Variants in DPP6 observed in about 807,000 individuals in gnomAD.
DPP6 encodes A-type potassium channel modulatory protein DPP6.
In DPP6, 69 loss-of-function variants were observed where a neutral mutation model predicts 122.6. The ratio of observed to expected loss-of-function variants is 0.56; its 90% CI spans 0.46 to 0.69. The LOEUF is 0.69. Ranked by LOEUF, DPP6 falls within the 30% of genes least tolerant of loss-of-function variation. The pLI is 0.00. For synonymous variants in DPP6, 418 were observed against 433.1 expected (o/e 0.97, Z 0.43); for missense variants, 928 against 1,116.9 (o/e 0.83, Z 2.41).
chr7:154,419,729 T>C (rs1441728600), intron 1 of DPP6, among the ~76,000 whole-genome samples: 1 of 152,220 alleles, frequency 6.6e-6, no homozygotes, highest in Non-Finnish European at 1.5e-5. Context: ...TGTAAGAGTT[T>C]ATGGGCTCTG....
At chr7:154,090,609 T>C (rs1419485287) in intron 1 of DPP6, among the ~76,000 whole-genome samples, 1 of 151,884 alleles carries the variant, frequency 6.6e-6, no homozygotes, top group Non-Finnish European at 1.5e-5. Context: ...CCATTGCCCA[T>C]AGAGGCGCCT....
chr7:154,813,051 A>AACTT (rs1204915395), intron 16 of DPP6, among the ~76,000 whole-genome samples: 1 of 151,846 alleles, frequency 6.6e-6, no homozygotes, highest in African/African-American at 2.4e-5. Flanking sequence ...AATTACTATT[A>AACTT]ACTTAAATAA....
intron 7 of DPP6, among the ~76,000 whole-genome samples, chr7:154,716,120 C>G (rs1385280854): frequency 6.6e-6 from 1 of 152,174 alleles, no homozygotes; most frequent in Admixed American, 6.5e-5. Flanking sequence ...TCTTAGGCCT[C>G]CCCACCTCCA....
At chr7:154,062,805 C>G (rs1156729810) in intron 1 of DPP6, among the ~76,000 whole-genome samples, 2 of 117,914 alleles carry the variant, frequency 1.7e-5, no homozygotes, top group Non-Finnish European at 1.8e-5. Context: ...GGACCCCCAT[C>G]GCAGAGGGGG....
At chr7:154,448,388 A>G (rs1371564166) in intron 2 of DPP6, among the ~76,000 whole-genome samples, 1 of 152,170 alleles carries the variant, frequency 6.6e-6, no homozygotes, top group African/African-American at 2.4e-5. Context: ...GAAGTATAAG[A>G]CTTGTGTACT....
rs3052965 is a variant in DPP6 at position 154,078,351 on chromosome 7, TACACACACACACACACAC to T, written c.243+25309_243+25326del. 5.4e-5 allele frequency among the ~76,000 whole-genome samples: 8 copies of T among 149,520 alleles called. No homozygotes were observed. The East Asian group carries it at 6.0e-4, about 11-fold the overall frequency. ...CGACTTTCAAACTTCAGTGCATATG[TACACACACACACACACAC>T]ACACACACACACACACACACCATTT... On this transcript the variant is annotated intron_variant, in intron 1 of 25. Coordinates refer to ENST00000377770, the MANE Select transcript of DPP6 (RefSeq NM_130797.4).
At chr7:154,425,569 C>A (rs1463685368) in intron 1 of DPP6, among the ~76,000 whole-genome samples, 4 of 147,402 alleles carry the variant, frequency 2.7e-5, no homozygotes, top group South Asian at 2.2e-4. Flanking sequence ...AATGGAATTT[C>A]TTTCTTCTGT....
chr7:154,206,706 A>G (rs4327775), intron 1 of DPP6, among the ~76,000 whole-genome samples: 125,767 of 152,142 alleles, frequency 0.83, 52,067 homozygotes, highest in Middle Eastern at 0.84. Context: ...AAAAAAATGC[A>G]TGTGATACGG....
chr7:153,792,876 G>C, the DPP6 span, among the ~76,000 whole-genome samples: 1 of 152,144 alleles, frequency 6.6e-6, no homozygotes, highest in Non-Finnish European at 1.5e-5. Flanking sequence ...TAATGAATAA[G>C]TCTCACAAGA....
the DPP6 span, among the ~76,000 whole-genome samples, chr7:153,754,513 C>T: frequency 1.3e-5 from 2 of 152,038 alleles, no homozygotes; most frequent in African/African-American, 2.4e-5. Context: ...ATACTATGTG[C>T]CTAGGCATGA....
chr7:153,994,610 G>A (rs1025389634), intron 1 of DPP6, among the ~76,000 whole-genome samples: 33 of 152,124 alleles, frequency 2.2e-4, no homozygotes, highest in Non-Finnish European at 4.6e-4. Context: ...CCAGAAAGAA[G>A]TTGCTCATTT....
intron 1 of DPP6, among the ~76,000 whole-genome samples, chr7:154,028,309 C>T (rs1169106674): frequency 1.3e-5 from 2 of 151,910 alleles, no homozygotes; most frequent in Non-Finnish European, 2.9e-5. Flanking sequence ...TGGCCAAGGC[C>T]ACAACAGCGT....
At chr7:154,468,156 T>A (rs995228288) in intron 2 of DPP6, among the ~76,000 whole-genome samples, 9 of 152,346 alleles carry the variant, frequency 5.9e-5, no homozygotes, top group African/African-American at 2.2e-4. Context: ...CTGTACGTAT[T>A]ACAACATGGA....
At chr7:154,659,997 G>A (rs1489255815) in intron 6 of DPP6, among the ~76,000 whole-genome samples, 4 of 152,224 alleles carry the variant, frequency 2.6e-5, no homozygotes, top group Non-Finnish European at 5.9e-5. Flanking sequence ...TGATCCACAC[G>A]TCATAAGGTT....
intron 7 of DPP6, among the ~76,000 whole-genome samples, chr7:154,672,488 C>G (rs1453179540): frequency 6.6e-6 from 1 of 152,198 alleles, no homozygotes; most frequent in Non-Finnish European, 1.5e-5. Context: ...GGTTTCAAAC[C>G]ACTTCAGCAT....
At chr7:154,050,422 T>C (rs1800241202), upstream of DPP6, among the ~76,000 whole-genome samples, 3 of 152,326 alleles carry the variant, frequency 2.0e-5, no homozygotes, top group East Asian at 5.8e-4. Context: ...AAAATATGCA[T>C]GCATATTTCA....
intron 1 of DPP6, among the ~76,000 whole-genome samples, chr7:154,429,306 G>A (rs1818169074): frequency 6.6e-6 from 1 of 152,158 alleles, no homozygotes; most frequent in Admixed American, 6.5e-5. Flanking sequence ...ATTTGCTGAC[G>A]CTCCTCTGAC....
chr7:154,129,774 C>T (rs1395507267), intron 1 of DPP6, among the ~76,000 whole-genome samples: 2 of 151,968 alleles, frequency 1.3e-5, no homozygotes, highest in Admixed American at 6.6e-5. Flanking sequence ...GTGGTGGGCA[C>T]CTGTAGTCCC....
chr7:154,276,202 G>C (rs560408969), intron 1 of DPP6, among the ~76,000 whole-genome samples: 1 of 152,066 alleles, frequency 6.6e-6, no homozygotes, highest in Non-Finnish European at 1.5e-5. Context: ...AACCCCATGC[G>C]TAGTTAATAA....
Sources: allele counts gnomAD v4.1 joint callset (sites outside exome capture counted in the v4.1 genomes callset), GRCh38; gene constraint gnomAD v4.1.1; transcripts MANE v1.5; gene names NCBI Gene and HGNC (gene_info 2026-07-23, HGNC 2026-07-21).